The following EXT2 variants were observed in gnomAD, a reference collection of about 807,000 sequenced individuals.
EXT2 encodes the protein exostosin-2.
In EXT2, 53 loss-of-function variants were observed where a neutral mutation model predicts 81.6. The observed-to-expected ratio is 0.65, with a 90% CI of 0.52 to 0.82. The LOEUF (loss-of-function observed/expected upper bound fraction) is 0.82, where lower values mean the gene tolerates loss of function less well. Among genes scored for constraint, EXT2 ranks in the 40% least tolerant of loss-of-function variants. The probability of loss-of-function intolerance (pLI) is 0.00; values close to 1 mark genes in which losing one functional copy is unlikely to be tolerated. For missense variants in EXT2, 774 were observed against 910.2 expected (o/e 0.85, Z 1.93); for synonymous variants, 320 against 340.0 (o/e 0.94, Z 0.65).
rs114199477 is a variant in EXT2, at chr11:44,246,079, G to A, written c.*1792G>A. On this transcript the variant is annotated 3_prime_UTR_variant, in exon 14 of 14. Transcript: ENST00000533608. ...TTGGTCTCATGTATTCATAATATTG[G>A]GGACGATATGGTAGAAAGCCAGGAA... Among the ~76,000 whole-genome samples the A allele has an allele frequency of 3.7e-3, 558 of 152,292 alleles. 1 individual carries two copies. Among genetic ancestry groups the A allele is most frequent in the African/African-American group, 0.013 (539 of 41,550 alleles).
chr11:44,101,944 TA>T (rs71035677), intron 1 of EXT2, among the ~76,000 whole-genome samples: 31,304 of 131,240 alleles, frequency 0.24, 3,577 homozygotes, highest in East Asian at 0.36. Flanking sequence ...GTATAATCAG[TA>T]AAAAAAAAAA....
intron 7 of EXT2, among the ~76,000 whole-genome samples, chr11:44,167,836 T>C (rs1405396314): frequency 6.6e-6 from 1 of 152,152 alleles, no homozygotes; most frequent in Non-Finnish European, 1.5e-5. Flanking sequence ...TATTATACTT[T>C]AAGTTTTAGG....
At chr11:44,129,747 G>C (rs902059476) in intron 6 of EXT2, among the ~76,000 whole-genome samples, 1 of 152,250 alleles carries the variant, frequency 6.6e-6, no homozygotes, top group East Asian at 1.9e-4. Context: ...AGAGCATGGT[G>C]TGTTCAAGTG....
intron 13 of EXT2, among the ~76,000 whole-genome samples, chr11:44,240,954 G>A (rs1956029812): frequency 6.6e-6 from 1 of 152,166 alleles, no homozygotes; most frequent in African/African-American, 2.4e-5. Context: ...ATAAATATGA[G>A]CCACCATGCC....
intron 6 of EXT2, among the ~76,000 whole-genome samples, chr11:44,127,395 G>A (rs1214304045): frequency 6.6e-6 from 1 of 152,282 alleles, no homozygotes; most frequent in East Asian, 1.9e-4. Flanking sequence ...TCTGAGCCTC[G>A]CCTCCTGTCA....
At chr11:44,203,103 A>G (rs575353289) in intron 9 of EXT2, among the ~76,000 whole-genome samples, 2 of 152,180 alleles carry the variant, frequency 1.3e-5, no homozygotes, top group Non-Finnish European at 2.9e-5. Context: ...TGTAACTTCT[A>G]CCCTTCCATT....
At chr11:44,193,637 G>A (rs985933594) in intron 8 of EXT2, among the ~76,000 whole-genome samples, 1 of 152,196 alleles carries the variant, frequency 6.6e-6, no homozygotes, top group Non-Finnish European at 1.5e-5. Context: ...CCCTGGTGGT[G>A]TGTTCTACAG....
intron 8 of EXT2, among the ~76,000 whole-genome samples, chr11:44,178,997 C>G (rs1361311629): frequency 6.6e-6 from 1 of 152,018 alleles, no homozygotes; most frequent in Non-Finnish European, 1.5e-5. Flanking sequence ...TAGAAAGTCT[C>G]AGGATGTCAG....
At chr11:44,112,337 A>G (rs1490838445) in intron 3 of EXT2, among the ~76,000 whole-genome samples, 2 of 152,198 alleles carry the variant, frequency 1.3e-5, no homozygotes, top group Non-Finnish European at 2.9e-5. Context: ...CAGTGATTAT[A>G]ATACTTGGCC....
chr11:44,109,088 G>A (rs1241507028), intron 2 of EXT2, 106 bp from the exon 3 acceptor site: 9 of 1,133,116 alleles, frequency 7.9e-6, no homozygotes, highest in South Asian at 2.5e-5. Flanking sequence ...CCTGAGAAGC[G>A]GCCCTATTTG....
At chr11:44,198,626 T>A (rs1955487053) in intron 9 of EXT2, among the ~76,000 whole-genome samples, 1 of 152,216 alleles carries the variant, frequency 6.6e-6, no homozygotes, top group South Asian at 2.1e-4. Flanking sequence ...ATGTTCCACC[T>A]GCATTTGGTT....
chr11:44,244,723 A>G lies in EXT2; in HGVS notation c.*436A>G, dbSNP rs940460387. On this transcript the variant is annotated 3_prime_UTR_variant, in exon 14 of 14. Coordinates refer to ENST00000533608, the MANE Select transcript of EXT2 (RefSeq NM_207122.2). ...CCAGACCTCACTTTTAGTTATTTAC[A>G]TCAATGAGTTCTTTCAGGGAACCAA... 4 of 265,868 alleles carry G rather than the reference A, an allele frequency of 1.5e-5. No individual in the cohort carries two copies. The East Asian group carries it at 1.6e-4, about 11-fold the overall frequency. The allele number at this position is 265,868 out of a possible 1,614,324, so 16.5% of individuals were successfully genotyped here.
chr11:44,141,413 C>T (rs1590588225), intron 7 of EXT2, among the ~76,000 whole-genome samples: 1 of 152,202 alleles, frequency 6.6e-6, no homozygotes, highest in African/African-American at 2.4e-5. Flanking sequence ...TGTACAAAAA[C>T]CAAATGAGCA....
chr11:44,175,364 T>C (rs1955144310), intron 8 of EXT2, among the ~76,000 whole-genome samples: 1 of 152,070 alleles, frequency 6.6e-6, no homozygotes, highest in Non-Finnish European at 1.5e-5. Flanking sequence ...CAATCTACCT[T>C]TCTTTTTTTT....
At position 44,247,528 on chromosome 11, in the gene EXT2, G is replaced by A. The variant is rs568325629; in HGVS notation, c.*3241G>A. Among the ~76,000 whole-genome samples the A allele has an allele frequency of 1.3e-5, 2 of 152,230 alleles. No individual in the cohort carries two copies. Among genetic ancestry groups the A allele is most frequent in the South Asian group, 2.1e-4 (1 of 4,822 alleles). On this transcript the variant is annotated 3_prime_UTR_variant, in exon 14 of 14. Transcript: ENST00000533608. ...TGACCTCCCAAAGTGCTGGGATTAC[G>A]GGCGTGAGTCCCCACGCTCAGCCAC...
chr11:44,174,447 C>G (rs1269612538), intron 8 of EXT2, among the ~76,000 whole-genome samples: 2 of 151,128 alleles, frequency 1.3e-5, no homozygotes, highest in Non-Finnish European at 2.9e-5. Context: ...TATATATATT[C>G]CTTTACAAGT....
chr11:44,207,739 G>A (rs151252121), intron 10 of EXT2, among the ~76,000 whole-genome samples: 1 of 151,910 alleles, frequency 6.6e-6, no homozygotes, highest in Non-Finnish European at 1.5e-5. Flanking sequence ...TTGAATTTGG[G>A]GTTCTTAAAT....
chr11:44,233,843 A>T (rs2135262298), intron 11 of EXT2, among the ~76,000 whole-genome samples: 1 of 152,320 alleles, frequency 6.6e-6, no homozygotes, highest in South Asian at 2.1e-4. Flanking sequence ...TAATTTCTAC[A>T]CTATTTCATA....
intron 4 of EXT2, among the ~76,000 whole-genome samples, chr11:44,119,129 T>C (rs1373025982): frequency 4.7e-5 from 1 of 21,246 alleles, no homozygotes; most frequent in African/African-American, 2.0e-4. Flanking sequence ...GCTATTTATA[T>C]ATATATATAT....
Sources: gnomAD v4.1 joint callset for allele counts (sites outside exome capture counted in the v4.1 genomes callset) on GRCh38, gnomAD v4.1.1 for gene constraint, MANE v1.5 for transcripts, NCBI Gene and HGNC (gene_info 2026-07-23, HGNC 2026-07-21) for gene names.